SDK1: variants seen among roughly 807,000 people sequenced by gnomAD.
SDK1 encodes the protein protein sidekick-1.
A neutral mutation model predicts 245.5 loss-of-function variants in SDK1; 157 were observed. The ratio of observed to expected loss-of-function variants is 0.64; its 90% CI spans 0.56 to 0.73. The LOEUF is 0.73. Among genes scored for constraint, SDK1 ranks in the 30% least tolerant of loss-of-function variants. SDK1 has a pLI of 0.00. For synonymous variants in SDK1, 1,647 were observed against 1,278.5 expected, an observed-to-expected ratio of 1.29 and a Z score of -6.15; for missense variants, 3,583 against 3,002.3, an observed-to-expected ratio of 1.19 and a Z score of -4.52.
At chr7:3,571,946 C>T (rs1390885317) in intron 1 of SDK1, among the ~76,000 whole-genome samples, 1 of 152,104 alleles carries the variant, frequency 6.6e-6, no homozygotes, top group Non-Finnish European at 1.5e-5. Flanking sequence ...CATCCCTTCT[C>T]TTACCTAAGT....
chr7:3,577,379 C>A (rs930975577), intron 1 of SDK1, among the ~76,000 whole-genome samples: 1 of 152,046 alleles, frequency 6.6e-6, no homozygotes, highest in East Asian at 1.9e-4. Context: ...GCCTGAGCGT[C>A]ATAGCATCAG....
chr7:3,714,720 A>C (rs1186227499), intron 4 of SDK1, among the ~76,000 whole-genome samples: 3 of 152,224 alleles, frequency 2.0e-5, no homozygotes. Flanking sequence ...AGTGCTTCTA[A>C]AACAAGTTTC....
intron 1 of SDK1, among the ~76,000 whole-genome samples, chr7:3,419,026 C>G (rs1373698262): frequency 6.6e-6 from 1 of 152,170 alleles, no homozygotes; most frequent in Non-Finnish European, 1.5e-5. Flanking sequence ...CTCCTTTTTC[C>G]TGATTTAAAG....
chr7:4,227,366 C>T (rs1045722536), intron 40 of SDK1: 9 of 470,824 alleles, frequency 1.9e-5, no homozygotes, highest in South Asian at 1.1e-4. Flanking sequence ...GGGCTTTCTT[C>T]GTCATCTTAA....
intron 4 of SDK1, among the ~76,000 whole-genome samples, chr7:3,684,248 A>G (rs939710138): frequency 1.3e-5 from 2 of 152,144 alleles, no homozygotes; most frequent in Non-Finnish European, 2.9e-5. Flanking sequence ...CAAGTTAACT[A>G]TTAAGCATCA....
At chr7:3,805,987 T>A (rs1779232960) in intron 4 of SDK1, among the ~76,000 whole-genome samples, 1 of 152,020 alleles carries the variant, frequency 6.6e-6, no homozygotes, top group Non-Finnish European at 1.5e-5. Flanking sequence ...GTGTGAATTT[T>A]CAAGGTGTTC....
chr7:4,172,287 T>C (rs2128216798), intron 32 of SDK1, among the ~76,000 whole-genome samples: 1 of 152,272 alleles, frequency 6.6e-6, no homozygotes, highest in South Asian at 2.1e-4. Flanking sequence ...GAAAACCTCC[T>C]GAGTCTGCCG....
chr7:3,426,503 T>C (rs1307647634), intron 1 of SDK1, among the ~76,000 whole-genome samples: 4 of 152,212 alleles, frequency 2.6e-5, no homozygotes, highest in Non-Finnish European at 4.4e-5. Context: ...AGCTACCCTC[T>C]GAAGTTGTTA....
At chr7:4,148,194 C>G (rs1322868353) in intron 29 of SDK1, among the ~76,000 whole-genome samples, 2 of 152,224 alleles carry the variant, frequency 1.3e-5, no homozygotes, top group African/African-American at 2.4e-5. Flanking sequence ...CGTGTGCTTA[C>G]GGAGGCAAGT....
intron 4 of SDK1, among the ~76,000 whole-genome samples, chr7:3,647,123 C>T (rs1782863598): frequency 6.6e-6 from 1 of 152,184 alleles, no homozygotes; most frequent in Non-Finnish European, 1.5e-5. Flanking sequence ...TGGTGGCTCA[C>T]ACCTGTACTC....
rs143320437 is a variant in SDK1 at position 3,557,265 on chromosome 7, C to A, written c.299-61815C>A. Among the ~76,000 whole-genome samples, 18 of 152,224 alleles carry A rather than the reference C, an allele frequency of 1.2e-4. No homozygotes were observed. The East Asian group carries it at 3.5e-3, about 29-fold the overall frequency. On this transcript the variant is annotated intron_variant, in intron 1 of 44. Transcript: ENST00000404826. ...TAATATCAAGAATGAAATGGGACAACAGTACAGATCCTAAAGCCACTAAAG... is the reference window on the plus strand; with the variant it reads ...TAATATCAAGAATGAAATGGGACAAAAGTACAGATCCTAAAGCCACTAAAG...
Position 4,245,762 on chromosome 7 carries a change from G to T in SDK1, c.6338G>T (p.Ser2113Ile), listed in dbSNP as rs777353274. The T allele has an allele frequency of 6.2e-7, 1 of 1,614,012 alleles. No homozygotes were observed. Among genetic ancestry groups the T allele is most frequent in the Middle Eastern group, 1.7e-4 (1 of 6,058 alleles). ...TACAACGGCGCCGTGCTGACCGAGA[G>T]CGTGAGCCTCAAGGAGAAGTCGGCA... Reference protein sequence around the residue: ...NKYNGAVLTESVSLKEKSADA... With the variant: ...NKYNGAVLTEIVSLKEKSADA... The change falls in exon 44 of 45, where the codon AGC becomes ATC. Residue 2113 changes from serine (S) to isoleucine (I), a missense_variant. Ser to Ile is a moderately radical substitution (Grantham distance 142, BLOSUM62 -2). Transcript: ENST00000404826.
chr7:3,395,930 G>A lies in SDK1; in HGVS notation c.298+94046G>A, dbSNP rs1562461355. ...AGAACCACCTTTTAATTTTTCCTCTGTTGTTTTTCTGTTTTACATTTCTTT... is the reference window on the plus strand; with the variant it reads ...AGAACCACCTTTTAATTTTTCCTCTATTGTTTTTCTGTTTTACATTTCTTT... On this transcript the variant is annotated intron_variant, in intron 1 of 44. Coordinates refer to ENST00000404826, the MANE Select transcript of SDK1 (RefSeq NM_152744.4). Among the ~76,000 whole-genome samples, 3 of 151,294 alleles carry A rather than the reference G, an allele frequency of 2.0e-5. 1 individual carries two copies. The highest frequency in any genetic ancestry group is 7.3e-5 in the African/African-American group (3 of 41,238).
At chr7:3,467,165 A>G (rs1781033300) in intron 1 of SDK1, among the ~76,000 whole-genome samples, 1 of 152,154 alleles carries the variant, frequency 6.6e-6, no homozygotes, top group African/African-American at 2.4e-5. Context: ...AAGTATTTTT[A>G]TGATCAATAA....
At chr7:4,109,853 G>T (rs773821637) in intron 22 of SDK1, among the ~76,000 whole-genome samples, 2 of 152,160 alleles carry the variant, frequency 1.3e-5, no homozygotes, top group Non-Finnish European at 2.9e-5. Flanking sequence ...CAGATTAGGG[G>T]AAATGAAAAT....
chr7:3,765,681 C>A (rs1780233383), intron 4 of SDK1, among the ~76,000 whole-genome samples: 1 of 152,172 alleles, frequency 6.6e-6, no homozygotes, highest in South Asian at 2.1e-4. Flanking sequence ...TCAGTGTAGT[C>A]AGCCATCAGA....
chr7:3,711,103 TC>T (rs1785037888), intron 4 of SDK1, among the ~76,000 whole-genome samples: 1 of 152,220 alleles, frequency 6.6e-6, no homozygotes, highest in Non-Finnish European at 1.5e-5. Context: ...TAGTTTCGTA[TC>T]CAAAAGTTTG....
intron 5 of SDK1, among the ~76,000 whole-genome samples, chr7:3,838,871 A>C (rs551330356): frequency 6.6e-6 from 1 of 152,350 alleles, no homozygotes; most frequent in African/African-American, 2.4e-5. Flanking sequence ...GGGAAATATA[A>C]GTTAGACAAT....
At chr7:3,846,541 G>T (rs1780282552) in intron 5 of SDK1, among the ~76,000 whole-genome samples, 1 of 152,074 alleles carries the variant, frequency 6.6e-6, no homozygotes. Context: ...ACAGCCTCCT[G>T]GTTCTTTGCG....
Sources: allele counts gnomAD v4.1 joint callset (sites outside exome capture counted in the v4.1 genomes callset), GRCh38; gene constraint gnomAD v4.1.1; transcripts MANE v1.5; gene names NCBI Gene and HGNC (gene_info 2026-07-23, HGNC 2026-07-21).